The following COL25A1 variants were observed in gnomAD, a reference collection of about 807,000 sequenced individuals.
The protein encoded by COL25A1 is collagen alpha-1(XXV) chain.
COL25A1 carries 103 observed loss-of-function variants against 128.4 expected under a neutral mutation model. That is an observed-to-expected ratio of 0.80 (90% CI 0.68 to 0.94). The LOEUF is 0.94. Among genes scored for constraint, COL25A1 ranks in the 40% least tolerant of loss-of-function variants. The pLI is 0.00. For missense variants in COL25A1, 745 were observed against 840.0 expected, an observed-to-expected ratio of 0.89 and a Z score of 1.40; for synonymous variants, 279 against 277.2, an observed-to-expected ratio of 1.01 and a Z score of -0.06.
intron 3 of COL25A1, among the ~76,000 whole-genome samples, chr4:109,197,407 ATATATAT>A (rs1357721827): frequency 6.3e-5 from 8 of 126,334 alleles, no homozygotes; most frequent in East Asian, 2.1e-4. Flanking sequence ...TATATATAAA[ATATATAT>A]TATATATTAT....
At chr4:108,910,248 A>G (rs1445021022) in intron 13 of COL25A1, among the ~76,000 whole-genome samples, 1 of 152,146 alleles carries the variant, frequency 6.6e-6, no homozygotes, top group Non-Finnish European at 1.5e-5. Flanking sequence ...GAATGTGTTT[A>G]ATTATTAATA....
At chr4:109,162,597 G>C (rs1316449034) in intron 3 of COL25A1, among the ~76,000 whole-genome samples, 1 of 152,200 alleles carries the variant, frequency 6.6e-6, no homozygotes, top group Non-Finnish European at 1.5e-5. Context: ...GTTGCCAGGA[G>C]GAATGTCTAG....
At chr4:108,969,072 C>T (rs1335841946) in intron 8 of COL25A1, among the ~76,000 whole-genome samples, 3 of 152,156 alleles carry the variant, frequency 2.0e-5, no homozygotes, top group African/African-American at 7.2e-5. Context: ...GACACTTGTT[C>T]AAGTGTCCTC....
chr4:109,072,189 T>C (rs1482429698), intron 3 of COL25A1, among the ~76,000 whole-genome samples: 3 of 152,162 alleles, frequency 2.0e-5, no homozygotes, highest in Non-Finnish European at 2.9e-5. Flanking sequence ...ATATACTAAT[T>C]CATAATGACT....
intron 3 of COL25A1, among the ~76,000 whole-genome samples, chr4:109,140,075 T>C (rs1315829473): frequency 2.0e-5 from 3 of 152,196 alleles, no homozygotes; most frequent in South Asian, 2.1e-4. Flanking sequence ...TCTATCATTG[T>C]TGGACATTTG....
chr4:108,829,890 T>G (rs1424775409), intron 32 of COL25A1, among the ~76,000 whole-genome samples: 1 of 152,146 alleles, frequency 6.6e-6, no homozygotes, highest in Non-Finnish European at 1.5e-5. Flanking sequence ...GGAAGAGACA[T>G]GAGGTAGTCT....
At chr4:109,180,070 C>T (rs1205322629) in intron 3 of COL25A1, among the ~76,000 whole-genome samples, 3 of 152,110 alleles carry the variant, frequency 2.0e-5, no homozygotes, top group Admixed American at 1.3e-4. Context: ...AATGGAAATA[C>T]GTCTGGTTAG....
At chr4:108,841,168 G>C (rs1051376835) in intron 31 of COL25A1, among the ~76,000 whole-genome samples, 1 of 152,166 alleles carries the variant, frequency 6.6e-6, no homozygotes, top group African/African-American at 2.4e-5. Flanking sequence ...TAACCCAAAA[G>C]TATAGAATGC....
At chr4:108,834,251 C>T in intron 31 of COL25A1, 1 of 1,175,114 alleles carries the variant, frequency 8.5e-7, no homozygotes. Flanking sequence ...GCTCTAAGTA[C>T]ACCCTCATCA....
intron 3 of COL25A1, among the ~76,000 whole-genome samples, chr4:109,239,560 T>A (rs1182616978): frequency 6.6e-6 from 1 of 151,508 alleles, no homozygotes; most frequent in Non-Finnish European, 1.5e-5. Flanking sequence ...AATATTTTTT[T>A]AAGTGGTACT....
At chr4:108,964,581 G>T (rs1751091032) in intron 8 of COL25A1, among the ~76,000 whole-genome samples, 3 of 151,798 alleles carry the variant, frequency 2.0e-5, no homozygotes, top group Non-Finnish European at 2.9e-5. Flanking sequence ...TTTCATATTT[G>T]ATGAGCCCAG....
chr4:108,987,663 C>T (rs550006745), intron 6 of COL25A1, among the ~76,000 whole-genome samples: 1 of 152,202 alleles, frequency 6.6e-6, no homozygotes, highest in Non-Finnish European at 1.5e-5. Context: ...GGTGAGCCAC[C>T]GCGCCCGGCC....
At chr4:108,917,689 G>A (rs1338823579) in intron 13 of COL25A1, among the ~76,000 whole-genome samples, 2 of 152,148 alleles carry the variant, frequency 1.3e-5, no homozygotes, top group Non-Finnish European at 2.9e-5. Flanking sequence ...ACCAAAGCGG[G>A]ACAAATCTAT....
chr4:109,269,377 A>G (rs1322115652), intron 3 of COL25A1, among the ~76,000 whole-genome samples: 3 of 145,972 alleles, frequency 2.1e-5, no homozygotes, highest in Non-Finnish European at 3.0e-5. Context: ...ATTGTGAATA[A>G]TGCCGCAATA....
rs1742804754 is a variant in COL25A1, at chr4:108,901,188, T to C, written c.781-16A>G. On this transcript the variant is annotated splice_polypyrimidine_tract_variant and intron_variant, in intron 13 of 37. Coordinates refer to ENST00000399132, the MANE Select transcript of COL25A1 (RefSeq NM_198721.4). The stretch of plus-strand genomic sequence containing the variant: ...CGGGCTCACCCTCAAAATAGAAAAA[T>C]AGATACTACTAAGTAAAATAGACAA... 2.5e-6 allele frequency: 4 copies of C among 1,586,734 alleles called. No individual in the cohort carries two copies. Among genetic ancestry groups the C allele is most frequent in the South Asian group, 1.1e-5 (1 of 90,410 alleles).
intron 20 of COL25A1, among the ~76,000 whole-genome samples, chr4:108,868,235 G>A (rs1195513052): frequency 6.6e-6 from 1 of 151,936 alleles, no homozygotes; most frequent in East Asian, 1.9e-4. Flanking sequence ...AGCAATTTGG[G>A]GTACAAGTGG....
At chr4:108,928,220 C>T (rs191682633) in intron 11 of COL25A1, among the ~76,000 whole-genome samples, 25 of 152,262 alleles carry the variant, frequency 1.6e-4, no homozygotes, top group Admixed American at 1.4e-3. Flanking sequence ...AGTGCTTTTC[C>T]TATTTTAAAT....
intron 5 of COL25A1, among the ~76,000 whole-genome samples, chr4:109,029,497 A>G (rs1193618396): frequency 6.6e-6 from 1 of 152,220 alleles, no homozygotes; most frequent in Non-Finnish European, 1.5e-5. Flanking sequence ...CCAAATTTAT[A>G]TAACTTTTAT....
At chr4:109,016,417 C>T (rs1757222712) in intron 5 of COL25A1, among the ~76,000 whole-genome samples, 1 of 152,210 alleles carries the variant, frequency 6.6e-6, no homozygotes, top group South Asian at 2.1e-4. Context: ...TTGATGACAG[C>T]AGGAGGCAGA....
Sources: gnomAD v4.1 joint callset for allele counts (sites outside exome capture counted in the v4.1 genomes callset) on GRCh38, gnomAD v4.1.1 for gene constraint, MANE v1.5 for transcripts, NCBI Gene and HGNC (gene_info 2026-07-23, HGNC 2026-07-21) for gene names.